TRAPPC9: variants seen among roughly 807,000 people sequenced by gnomAD.
TRAPPC9 encodes the protein trafficking protein particle complex subunit 9, also known as IKK2 binding protein.
In TRAPPC9, 83 loss-of-function variants were observed where a neutral mutation model predicts 124.0. That is an observed-to-expected ratio of 0.67 (90% confidence interval 0.56 to 0.80). The LOEUF is 0.80. TRAPPC9 is among the 30% of genes least tolerant of loss of function. The probability of loss-of-function intolerance (pLI) is 0.00; values close to 1 mark genes in which losing one functional copy is unlikely to be tolerated. For missense variants in TRAPPC9, 1,302 were observed against 1,508.3 expected, an observed-to-expected ratio of 0.86 and a Z score of 2.27; for synonymous variants, 638 against 617.5, an observed-to-expected ratio of 1.03 and a Z score of -0.49.
At chr8:139,893,505 G>A (rs1830478237) in intron 20 of TRAPPC9, among the ~76,000 whole-genome samples, 1 of 152,238 alleles carries the variant, frequency 6.6e-6, no homozygotes. Context: ...TCTTTCCCTT[G>A]AGGAACCGTG....
At chr8:139,939,225 T>G in intron 19 of TRAPPC9, among the ~76,000 whole-genome samples, 1 of 151,748 alleles carries the variant, frequency 6.6e-6, no homozygotes, top group African/African-American at 2.4e-5. Context: ...AAGCCCAGAG[T>G]CCAAGGAAGG....
chr8:140,001,242 G>GGGGGTGA (rs1316799550), intron 18 of TRAPPC9, among the ~76,000 whole-genome samples: 1 of 152,092 alleles, frequency 6.6e-6, no homozygotes, highest in Non-Finnish European at 1.5e-5. Flanking sequence ...CGCACACCAG[G>GGGGGTGA]GGGGTGAGGG....
Position 140,335,705 on chromosome 8 carries a change from A to ATTTTT in TRAPPC9, c.1496-24336_1496-24332dup, listed in dbSNP as rs10622473. Among the ~76,000 whole-genome samples the ATTTTT allele has an allele frequency of 3.3e-3, 437 of 131,664 alleles. 11 individuals are homozygous for ATTTTT. Among genetic ancestry groups the ATTTTT allele is most frequent in the Middle Eastern group, 0.02 (5 of 254 alleles). 86.4% of individuals were successfully genotyped at this position (131,664 alleles called of 152,430 possible). On this transcript the variant is annotated intron_variant, in intron 9 of 22. Transcript: ENST00000438773. Reference sequence around the variant, plus strand: ...TTAAGTCCCATCATAAGTCTTCACAATTTTTTTTTTTTTTTTTTTGAGACA... The same window carrying ATTTTT: ...TTAAGTCCCATCATAAGTCTTCACAATTTTTTTTTTTTTTTTTTTTTTTTGAGACA...
intron 21 of TRAPPC9, among the ~76,000 whole-genome samples, chr8:139,856,699 T>G (rs1335239970): frequency 6.0e-5 from 9 of 149,680 alleles, no homozygotes; most frequent in Admixed American, 1.3e-4. Context: ...TTGCTTTCAC[T>G]GTTAATTTCC....
intron 9 of TRAPPC9, among the ~76,000 whole-genome samples, chr8:140,328,640 C>T (rs2066804999): frequency 6.6e-6 from 1 of 152,034 alleles, no homozygotes; most frequent in Non-Finnish European, 1.5e-5. Context: ...TCAGTGTATA[C>T]TGCTCAGGTC....
intron 18 of TRAPPC9, among the ~76,000 whole-genome samples, chr8:140,018,529 G>A (rs1839629841): frequency 2.6e-5 from 4 of 151,220 alleles, no homozygotes; most frequent in Non-Finnish European, 4.4e-5. Context: ...GGGTTTCACC[G>A]TGTTAGCCAG....
intron 19 of TRAPPC9, among the ~76,000 whole-genome samples, chr8:139,925,897 G>A (rs1284889685): frequency 2.6e-5 from 4 of 152,102 alleles, no homozygotes; most frequent in Non-Finnish European, 5.9e-5. Flanking sequence ...AGCAGCATGG[G>A]AAAGCCGTGA....
chr8:140,284,161 C>T (rs1490359487), intron 13 of TRAPPC9, 140 bp from the exon 14 acceptor site: 117 of 1,062,334 alleles, frequency 1.1e-4, no homozygotes, highest in Non-Finnish European at 1.5e-4. Context: ...CGGCGCTCAC[C>T]CACACTCCCG....
At chr8:140,348,527 T>G (rs535333146) in intron 9 of TRAPPC9, among the ~76,000 whole-genome samples, 110 of 151,908 alleles carry the variant, frequency 7.2e-4, no homozygotes, top group Non-Finnish European at 1.3e-3. Context: ...AACTCTCTCC[T>G]GCTAAAAAAA....
intron 6 of TRAPPC9, among the ~76,000 whole-genome samples, chr8:140,404,956 C>T (rs1000750747): frequency 9.9e-5 from 12 of 120,738 alleles, no homozygotes; most frequent in African/African-American, 1.6e-4. Flanking sequence ...GTCTCATAGG[C>T]ATAAAGGTCA....
chr8:139,859,520 C>T (rs1828000817), intron 21 of TRAPPC9, among the ~76,000 whole-genome samples: 1 of 152,218 alleles, frequency 6.6e-6, no homozygotes, highest in African/African-American at 2.4e-5. Context: ...ATGCTTCTCC[C>T]TGATGACATC....
At chr8:140,068,838 T>C (rs1409809215) in intron 17 of TRAPPC9, among the ~76,000 whole-genome samples, 1 of 152,258 alleles carries the variant, frequency 6.6e-6, no homozygotes, top group Non-Finnish European at 1.5e-5. Context: ...ACCTGAATTA[T>C]GCATGAACCT....
At chr8:139,893,421 C>T (rs1830468731) in intron 20 of TRAPPC9, among the ~76,000 whole-genome samples, 1 of 152,230 alleles carries the variant, frequency 6.6e-6, no homozygotes, top group Non-Finnish European at 1.5e-5. Flanking sequence ...GCCACATGCC[C>T]AACCTGCCCT....
rs1241851220 is a variant in TRAPPC9, at chr8:139,780,314, C to A, written c.3056-48112G>T. 2.6e-5 allele frequency among the ~76,000 whole-genome samples: 4 copies of A among 152,064 alleles called. 1 individual carries two copies. The East Asian group carries it at 7.7e-4, about 29-fold the overall frequency. On this transcript the variant is annotated intron_variant, in intron 21 of 22. Transcript: ENST00000438773. ...TGTGGTATTGGTGAAAGAAATAGAT[C>A]AATGGACCAGAACAGAAACAAACAG... is the stretch of plus-strand genomic sequence containing the variant.
intron 9 of TRAPPC9, among the ~76,000 whole-genome samples, chr8:140,339,152 C>T (rs2067128764): frequency 1.3e-5 from 2 of 152,220 alleles, no homozygotes; most frequent in African/African-American, 4.8e-5. Flanking sequence ...GAAAAGGCCT[C>T]AAAACAAGCC....
intron 14 of TRAPPC9, 148 bp from the exon 15 acceptor site, chr8:140,275,969 A>G (rs1383866909): frequency 1.3e-5 from 9 of 674,876 alleles, no homozygotes; most frequent in Non-Finnish European, 2.3e-5. Flanking sequence ...GGAGTTCAGT[A>G]TCCAGCTCTC....
At chr8:140,394,310 G>A (rs1175304747) in intron 7 of TRAPPC9, among the ~76,000 whole-genome samples, 1 of 152,128 alleles carries the variant, frequency 6.6e-6, no homozygotes, top group Non-Finnish European at 1.5e-5. Flanking sequence ...ACCCTCCACT[G>A]TCACAAAAGA....
chr8:140,366,825 C>G (rs1446470272), intron 8 of TRAPPC9, among the ~76,000 whole-genome samples: 1 of 152,078 alleles, frequency 6.6e-6, no homozygotes, highest in Non-Finnish European at 1.5e-5. Context: ...GCAAAAGACA[C>G]AACTGATAAA....
chr8:140,006,248 C>T lies in TRAPPC9; in HGVS notation c.2700-17412G>A, dbSNP rs999416962. 2.0e-4 allele frequency among the ~76,000 whole-genome samples: 31 copies of T among 152,144 alleles called. 1 individual carries two copies. Among genetic ancestry groups the T allele is most frequent in the Admixed American group, 2.0e-3 (31 of 15,264 alleles). On this transcript the variant is annotated intron_variant, in intron 18 of 22. Coordinates refer to ENST00000438773, the MANE Select transcript of TRAPPC9 (RefSeq NM_001160372.4). ...ACATTATTGAAGACAGTAAGGATAA[C>T]TGTTTCTAATTTTTTAATTAATAAA...
Sources: gnomAD v4.1 joint callset for allele counts (sites outside exome capture counted in the v4.1 genomes callset) on GRCh38, gnomAD v4.1.1 for gene constraint, MANE v1.5 for transcripts, NCBI Gene and HGNC (gene_info 2026-07-23, HGNC 2026-07-21) for gene names.